Variants in FAM193A observed in about 807,000 individuals in gnomAD.
The protein encoded by FAM193A is protein FAM193A.
Under a neutral mutation model 126.5 loss-of-function variants are expected in FAM193A, and 22 were observed. That is an observed-to-expected ratio of 0.17 (90% CI 0.12 to 0.25). The LOEUF (loss-of-function observed/expected upper bound fraction) is 0.25. Ranked by LOEUF, FAM193A falls within the 10% of genes least tolerant of loss-of-function variation. FAM193A has a pLI of 1.00. For missense variants in FAM193A, 1,675 were observed against 1,672.8 expected (o/e 1.00, Z -0.02); for synonymous variants, 761 against 646.8 (o/e 1.18, Z -2.68).
intron 2 of FAM193A, among the ~76,000 whole-genome samples, chr4:2,605,166 T>G (rs577373785): frequency 6.6e-6 from 1 of 152,130 alleles, no homozygotes; most frequent in South Asian, 2.1e-4. Context: ...ATGGTTAATA[T>G]ATGTGGGGTA....
intron 2 of FAM193A, among the ~76,000 whole-genome samples, chr4:2,611,423 C>A (rs1741866443): frequency 1.3e-5 from 2 of 152,036 alleles, no homozygotes; most frequent in Non-Finnish European, 2.9e-5. Context: ...CGCCAGCCAC[C>A]ATGCATAGTT....
At chr4:2,604,226 A>G (rs192518765) in intron 2 of FAM193A, among the ~76,000 whole-genome samples, 2,187 of 152,064 alleles carry the variant, frequency 0.014, 46 homozygotes, top group African/African-American at 0.05. Context: ...GTGATTCCTT[A>G]TTAATCACTG....
chr4:2,703,769 G>T lies in FAM193A; in HGVS notation c.4372+3225G>T, dbSNP rs541280231. On this transcript the variant is annotated intron_variant, in intron 19 of 20. Transcript: ENST00000637812. ...ACCTGAGGCCGGGAATTTAAGACCAGCCTGGGCAATATAGCAAGACCCCAT... is the reference window on the plus strand; with the variant it reads ...ACCTGAGGCCGGGAATTTAAGACCATCCTGGGCAATATAGCAAGACCCCAT... Among the ~76,000 whole-genome samples, 33 of 145,722 alleles carry T rather than the reference G, an allele frequency of 2.3e-4. No homozygotes were observed. In the South Asian group the frequency reaches 6.8e-3, roughly 30 times the overall value.
At chr4:2,551,737 T>A (rs767258040) in intron 1 of FAM193A, among the ~76,000 whole-genome samples, 2 of 152,154 alleles carry the variant, frequency 1.3e-5, no homozygotes, top group Admixed American at 6.6e-5. Context: ...GCTGTTGGTT[T>A]TACTGATTTT....
chr4:2,599,252 C>T (rs1741052875), intron 2 of FAM193A, among the ~76,000 whole-genome samples: 1 of 151,724 alleles, frequency 6.6e-6, no homozygotes, highest in Non-Finnish European at 1.5e-5. Flanking sequence ...TGGCCTCCTT[C>T]CACTTTCCTT....
In FAM193A at chr4:2,604,791, C is replaced by CTTTTTTTTTTTTTT. The variant is rs869148370; in HGVS notation, c.501+8472_501+8485dup. Among the ~76,000 whole-genome samples the CTTTTTTTTTTTTTT allele has an allele frequency of 2.9e-4, 29 of 99,662 alleles. 1 individual carries two copies. Among genetic ancestry groups the CTTTTTTTTTTTTTT allele is most frequent in the Admixed American group, 5.5e-4 (5 of 9,140 alleles). The allele number at this position is 99,662 out of a possible 152,430, so 65.4% of individuals were successfully genotyped here. A position where few individuals can be genotyped will look rare whatever the true frequency, so the allele number is the denominator to read the frequency against. Reference sequence around the variant, plus strand: ...CTGCTTTTTTTCTTTTTTCTTTTTCCTTTTTTTTTTTTTTTTTTTTTTTGG... The same window carrying CTTTTTTTTTTTTTT: ...CTGCTTTTTTTCTTTTTTCTTTTTCCTTTTTTTTTTTTTTTTTTTTTTTTTTTTTTTTTTTTTGG... On this transcript the variant is annotated intron_variant, in intron 2 of 20. Transcript: ENST00000637812.
At chr4:2,556,022 G>A (rs984226686) in intron 1 of FAM193A, among the ~76,000 whole-genome samples, 3 of 151,298 alleles carry the variant, frequency 2.0e-5, no homozygotes, top group African/African-American at 4.9e-5. Context: ...TCAGCCTCCC[G>A]AGTAGCTGGG....
At chr4:2,718,568 A>G (rs949996819) in intron 20 of FAM193A, among the ~76,000 whole-genome samples, 2 of 152,146 alleles carry the variant, frequency 1.3e-5, no homozygotes, top group Non-Finnish European at 2.9e-5. Flanking sequence ...TACAAAAAAT[A>G]CAAAAAAAGT....
At chr4:2,615,699 T>C (rs1742141193) in intron 2 of FAM193A, among the ~76,000 whole-genome samples, 1 of 151,932 alleles carries the variant, frequency 6.6e-6, no homozygotes, top group Admixed American at 6.6e-5. Context: ...TTGTATTTTT[T>C]GTAGAGACAG....
intron 1 of FAM193A, among the ~76,000 whole-genome samples, chr4:2,557,907 G>GTGCC (rs1167937795): frequency 6.6e-6 from 1 of 151,666 alleles, no homozygotes; most frequent in East Asian, 1.9e-4. Context: ...AGCCAAGAAC[G>GTGCC]TGCCACTGCA....
intron 1 of FAM193A, among the ~76,000 whole-genome samples, chr4:2,555,910 T>G (rs1232360628): frequency 4.1e-5 from 6 of 145,676 alleles, no homozygotes; most frequent in Non-Finnish European, 7.6e-5. Flanking sequence ...GAGACACTGT[T>G]TTTTTTTTTT....
chr4:2,558,286 AAG>A (rs1344541682), intron 1 of FAM193A, among the ~76,000 whole-genome samples: 7 of 152,138 alleles, frequency 4.6e-5, no homozygotes, highest in African/African-American at 1.7e-4. Flanking sequence ...AAAAAAAAAA[AAG>A]GAAAGAAAAA....
chr4:2,602,094 C>T (rs543556288), intron 2 of FAM193A, among the ~76,000 whole-genome samples: 2 of 152,260 alleles, frequency 1.3e-5, no homozygotes, highest in East Asian at 3.9e-4. Flanking sequence ...CTGCTGCGGC[C>T]TCCCAAAGTA....
intron 18 of FAM193A, among the ~76,000 whole-genome samples, chr4:2,697,058 T>C (rs1717122233): frequency 6.6e-6 from 1 of 152,140 alleles, no homozygotes; most frequent in Non-Finnish European, 1.5e-5. Context: ...CCCATGCTGC[T>C]CTTGTCCCAC....
At position 2,646,722 on chromosome 4, in the gene FAM193A, A is replaced by T. The variant is rs142464183; in HGVS notation, c.1201A>T (p.Thr401Ser). Reference protein sequence around the residue: ...TTTHDTCSEDTYSTLLQRYQR... With the variant: ...TTTHDTCSEDSYSTLLQRYQR... ...CACACACGACACCTGCAGTGAGGAC[A>T]CATACAGTACCTTGCTGCAGAGGTA... Residue 401 changes from threonine (T) to serine (S), a missense_variant, in exon 7 of 21, where the codon ACA (threonine) becomes TCA (serine). Physicochemically the swap from Thr to Ser is moderately conservative, Grantham distance 58. Transcript: ENST00000637812. The T allele has an allele frequency of 5.6e-6, 9 of 1,613,598 alleles. No individual in the cohort carries two copies. The highest frequency in any genetic ancestry group is 1.7e-5 in the Admixed American group (1 of 59,958).
intron 20 of FAM193A, among the ~76,000 whole-genome samples, chr4:2,717,596 A>AG (rs904762841): frequency 1.7e-5 from 2 of 120,298 alleles, no homozygotes; most frequent in Non-Finnish European, 3.6e-5. Context: ...ACTTTGTCTC[A>AG]GGAAAAAAAA....
At position 2,620,836 on chromosome 4, in the gene FAM193A, C is replaced by CAAAAAAAAAAAAAAAAAAA. The variant is rs34305537; in HGVS notation, c.502-4422_502-4404dup. Among the ~76,000 whole-genome samples the CAAAAAAAAAAAAAAAAAAA allele has an allele frequency of 5.7e-3, 394 of 69,078 alleles. 5 individuals carry two copies. The highest frequency in any genetic ancestry group is 6.9e-3 in the Non-Finnish European group (252 of 36,736). 45.3% of individuals were successfully genotyped at this position (69,078 alleles called of 152,430 possible). A position where few individuals can be genotyped will look rare whatever the true frequency, so the allele number is the denominator to read the frequency against. ...GGGCAAGAAGACTGCAACTCCGTCT[C>CAAAAAAAAAAAAAAAAAAA]AAAAAAAAAAAAAAAAAAAAAAGTA... On this transcript the variant is annotated intron_variant, in intron 2 of 20. Coordinates refer to ENST00000637812, the MANE Select transcript of FAM193A (RefSeq NM_001366318.2).
At chr4:2,564,766 T>A (rs866727462) in intron 1 of FAM193A, among the ~76,000 whole-genome samples, 1 of 151,814 alleles carries the variant, frequency 6.6e-6, no homozygotes. Context: ...GGTGTGGGGG[T>A]TTGCTCTGGG....
intron 1 of FAM193A, among the ~76,000 whole-genome samples, chr4:2,549,193 C>T (rs981139067): frequency 1.3e-5 from 2 of 151,720 alleles, no homozygotes; most frequent in African/African-American, 4.8e-5. Context: ...CCCACCTCAG[C>T]CTCCCAAAGT....
Sources: gnomAD v4.1 joint callset for allele counts (sites outside exome capture counted in the v4.1 genomes callset) on GRCh38, gnomAD v4.1.1 for gene constraint, MANE v1.5 for transcripts, NCBI Gene and HGNC (gene_info 2026-07-23, HGNC 2026-07-21) for gene names.